SLC16A3: variants seen among roughly 807,000 people sequenced by gnomAD.
The protein encoded by SLC16A3 is solute carrier family 16 member 3.
Under a neutral mutation model 25.0 loss-of-function variants are expected in SLC16A3, and 22 were observed. The observed-to-expected ratio is 0.88, with a 90% CI of 0.63 to 1.26. SLC16A3 has a LOEUF of 1.26. Ranked by LOEUF, SLC16A3 falls within the 50% of genes most tolerant of loss-of-function variation. The probability of loss-of-function intolerance (pLI) is 0.00; values close to 1 mark genes in which losing one functional copy is unlikely to be tolerated. For missense variants in SLC16A3, 731 were observed against 666.6 expected, an observed-to-expected ratio of 1.10 and a Z score of -1.06; for synonymous variants, 390 against 309.2, an observed-to-expected ratio of 1.26 and a Z score of -2.74.
chr17:82,236,552 C>T (rs1408039400), intron 2 of SLC16A3, 177 bp from the exon 3 acceptor site: 10 of 843,164 alleles, frequency 1.2e-5, no homozygotes, highest in East Asian at 7.9e-5. Context: ...CAGCAGGCGG[C>T]GCTCACGTGT....
chr17:82,238,629 C>T, intron 4 of SLC16A3, 73 bp from the exon 5 acceptor site: 1 of 1,451,272 alleles, frequency 6.9e-7, no homozygotes, highest in Non-Finnish European at 9.2e-7. Flanking sequence ...CACCGAGACA[C>T]AGGCTTGGGT....
chr17:82,226,321 G>A (rs1189663392), upstream of SLC16A3, among the ~76,000 whole-genome samples: 2 of 152,164 alleles, frequency 1.3e-5, no homozygotes, highest in South Asian at 2.1e-4. Context: ...CTGCAGAAAA[G>A]GGCGGCCTGG....
chr17:82,230,451 A>G (rs1252948547), intron 1 of SLC16A3: 1 of 152,318 alleles, frequency 6.6e-6, no homozygotes, highest in Non-Finnish European at 1.5e-5. Context: ...CCAGAAAGCC[A>G]TGTGGCCTGC....
At chr17:82,218,781 G>A (rs1465795054) in intron 1 of SLC16A3, among the ~76,000 whole-genome samples, 1 of 152,298 alleles carries the variant, frequency 6.6e-6, no homozygotes, top group East Asian at 1.9e-4. Flanking sequence ...GCAGGGACGA[G>A]GGCCTGGGGC....
intron 1 of SLC16A3, among the ~76,000 whole-genome samples, chr17:82,219,562 C>T (rs1225521625): frequency 1.1e-5 from 1 of 94,938 alleles, no homozygotes; most frequent in East Asian, 4.4e-4. Context: ...GCAGGGGGAC[C>T]AATGGGGCCC....
At chr17:82,219,773 C>A (rs968554085) in intron 1 of SLC16A3, among the ~76,000 whole-genome samples, 1 of 152,110 alleles carries the variant, frequency 6.6e-6, no homozygotes, top group Non-Finnish European at 1.5e-5. Flanking sequence ...TGGCTACAGG[C>A]GAGCATGGGC....
chr17:82,224,568 C>A (rs1169043489), upstream of SLC16A3, among the ~76,000 whole-genome samples: 3 of 29,860 alleles, frequency 1.0e-4, 1 homozygote. Flanking sequence ...CACCCCTACA[C>A]CTTGCAGTCA....
At position 82,236,183 on chromosome 17, in the gene SLC16A3, GAC is replaced by G; in HGVS notation, c.179_180del (p.Thr60SerfsTer96). 1 of 1,613,062 alleles carries G rather than the reference GAC, an allele frequency of 6.2e-7. No individual in the cohort carries two copies. Among genetic ancestry groups the G allele is most frequent in the Non-Finnish European group, 8.5e-7 (1 of 1,179,962 alleles). The stretch of plus-strand genomic sequence containing the variant: ...ACAGGAGTTTGGGATCGGCTACAGC[GAC>G]ACAGCCTGGATCTCCTCCATCCTGC... ...LIQEFGIGYS[D>X]TAWISSILLA... On this transcript the variant is annotated frameshift_variant, in exon 2 of 5. Coordinates refer to ENST00000582743, the MANE Select transcript of SLC16A3 (RefSeq NM_004207.4). LOFTEE classifies it high-confidence loss of function.
chr17:82,236,409 G>A (rs2050603011), intron 2 of SLC16A3, 178 bp downstream of exon 2: 1 of 669,372 alleles, frequency 1.5e-6, no homozygotes. Flanking sequence ...GGCCAACCCA[G>A]GCAGGGCGCG....
rs755415734 is a variant in SLC16A3, at chr17:82,236,646, C to T, written c.224-83C>T. Reference sequence around the variant, plus strand: ...GAGGGGTGGTGTGGGAAGGGGAGGCCGGCTCCAGGCTGTGAGCTCAGTCGG... The same window carrying T: ...GAGGGGTGGTGTGGGAAGGGGAGGCTGGCTCCAGGCTGTGAGCTCAGTCGG... On this transcript the variant is annotated intron_variant, in intron 2 of 4. Transcript: ENST00000582743. The T allele has an allele frequency of 6.5e-6, 10 of 1,539,336 alleles. No homozygotes were observed. The East Asian group carries it at 6.8e-5, about 10-fold the overall frequency.
upstream of SLC16A3, among the ~76,000 whole-genome samples, chr17:82,224,286 A>T (rs1177105461): frequency 3.4e-5 from 2 of 58,136 alleles, no homozygotes; most frequent in African/African-American, 9.7e-5. Flanking sequence ...ACCCGTGCAG[A>T]CACACCCCTA....
upstream of SLC16A3, among the ~76,000 whole-genome samples, chr17:82,227,054 G>C (rs374855434): frequency 5.9e-5 from 9 of 152,142 alleles, no homozygotes; most frequent in Non-Finnish European, 8.8e-5. Flanking sequence ...TGAGGGCAGG[G>C]AGGCTCCACC....
In SLC16A3 at chr17:82,236,845, G is replaced by A. The variant is rs1031210082; in HGVS notation, c.340G>A (p.Val114Ile). 2 of 1,607,008 alleles carry A rather than the reference G, an allele frequency of 1.2e-6. No homozygotes were observed. The highest frequency in any genetic ancestry group is 2.7e-5 in the African/African-American group (2 of 75,038). ...GTCCTTTTGCCGGAGCATCATCCAGGTCTACCTCACCACTGGGGTCATCAC... is the reference window on the plus strand; with the variant it reads ...GTCCTTTTGCCGGAGCATCATCCAGATCTACCTCACCACTGGGGTCATCAC... ...AASFCRSIIQ[V>I]YLTTGVITGL... Residue 114 changes from valine (V) to isoleucine (I), a missense_variant, in exon 3 of 5, where the codon GTC becomes ATC. Coordinates refer to ENST00000582743, the MANE Select transcript of SLC16A3 (RefSeq NM_004207.4).
At chr17:82,238,259 A>AT (rs2050666696) in intron 4 of SLC16A3, among the ~76,000 whole-genome samples, 1 of 152,134 alleles carries the variant, frequency 6.6e-6, no homozygotes, top group Non-Finnish European at 1.5e-5. Context: ...CGTGAGGGAA[A>AT]TTAAGTTCTG....
rs949399142 is a variant in SLC16A3, at chr17:82,236,630, T to C, written c.224-99T>C. On this transcript the variant is annotated intron_variant, in intron 2 of 4. Transcript: ENST00000582743. Reference sequence around the variant, plus strand: ...TGGTGCCCCGCGGGGGGAGGGGTGGTGTGGGAAGGGGAGGCCGGCTCCAGG... The same window carrying C: ...TGGTGCCCCGCGGGGGGAGGGGTGGCGTGGGAAGGGGAGGCCGGCTCCAGG... 2.1e-5 allele frequency: 31 copies of C among 1,477,342 alleles called. 1 individual carries two copies. Among genetic ancestry groups the C allele is most frequent in the Non-Finnish European group, 2.5e-5 (27 of 1,095,160 alleles). 91.5% of individuals were successfully genotyped at this position (1,477,342 alleles called of 1,614,324 possible).
At chr17:82,226,684 C>T (rs1034381511), upstream of SLC16A3, among the ~76,000 whole-genome samples, 1 of 152,072 alleles carries the variant, frequency 6.6e-6, no homozygotes, top group Non-Finnish European at 1.5e-5. Flanking sequence ...GCCTGGAATG[C>T]CCCCCGCCAC....
chr17:82,218,029 A>G (rs1453995512), exon 1 of SLC16A3, among the ~76,000 whole-genome samples: 2 of 152,238 alleles, frequency 1.3e-5, no homozygotes, highest in East Asian at 3.8e-4. Flanking sequence ...AGGGCACTTC[A>G]GAACCTCCCT....
intron 1 of SLC16A3, chr17:82,229,795 GTT>G (rs1258730363): frequency 6.6e-6 from 1 of 152,308 alleles, no homozygotes; most frequent in Non-Finnish European, 1.5e-5. Context: ...CGAAAAGTGG[GTT>G]GGTCAGGAGC....
Position 82,236,812 on chromosome 17 carries a change from G to A in SLC16A3, c.307G>A (p.Val103Met), listed in dbSNP as rs549340133. 2 of 1,608,584 alleles carry A rather than the reference G, an allele frequency of 1.2e-6. No individual in the cohort carries two copies. The highest frequency in any genetic ancestry group is 2.2e-5 in the East Asian group (1 of 44,878). Reference sequence around the variant, plus strand: ...GGGTCTCTTTGCGTCGCTGGGCATGGTGGCTGCGTCCTTTTGCCGGAGCAT... The same window carrying A: ...GGGTCTCTTTGCGTCGCTGGGCATGATGGCTGCGTCCTTTTGCCGGAGCAT... ...VGGLFASLGM[V>M]AASFCRSIIQ... Residue 103 changes from valine (V) to methionine (M), a missense_variant, in exon 3 of 5, where the codon GTG becomes ATG. Transcript: ENST00000582743.
Sources: gnomAD v4.1 joint callset for allele counts (sites outside exome capture counted in the v4.1 genomes callset) on GRCh38, gnomAD v4.1.1 for gene constraint, MANE v1.5 for transcripts, NCBI Gene and HGNC (gene_info 2026-07-23, HGNC 2026-07-21) for gene names.